The following DCHS2 variants were observed in gnomAD, a reference collection of about 807,000 sequenced individuals.
DCHS2 encodes dachsous cadherin-related 2.
In DCHS2, 142 loss-of-function variants were observed where a neutral mutation model predicts 182.4. The ratio of observed to expected loss-of-function variants is 0.78; its 90% CI spans 0.68 to 0.89. The LOEUF is 0.89. Ranked by LOEUF, DCHS2 falls within the 40% of genes least tolerant of loss-of-function variation. The pLI is 0.00. For synonymous variants in DCHS2, 1,740 were observed against 1,663.3 expected, an observed-to-expected ratio of 1.05 and a Z score of -1.12; for missense variants, 4,319 against 4,198.6, an observed-to-expected ratio of 1.03 and a Z score of -0.79.
At chr4:154,477,855 G>A (rs1560781566) in intron 1 of DCHS2, among the ~76,000 whole-genome samples, 2 of 152,170 alleles carry the variant, frequency 1.3e-5, no homozygotes, top group East Asian at 1.9e-4. Context: ...AAGGACTGAC[G>A]TTCCTCAAAT....
rs890702364 is a variant in DCHS2 at position 154,236,362 on chromosome 4, C to T, written c.8290G>A (p.Asp2764Asn). Residue 2764 changes from aspartate (D) to asparagine (N), a missense_variant, in exon 20 of 20, where the codon GAC (aspartate) becomes AAC (asparagine). Coordinates refer to ENST00000357232, the MANE Select transcript of DCHS2 (RefSeq NM_001358235.2). ...VVFVSVLDDN[D>N]HAPQFMFSSF... ...GAGAACATAAACTGAGGTGCATGGT[C>T]GTTATCATCCAGGACACTGACAAAC... 3.7e-6 allele frequency: 6 copies of T among 1,613,862 alleles called. No homozygotes were observed. The highest frequency in any genetic ancestry group is 5.1e-6 in the Non-Finnish European group (6 of 1,179,968).
intron 1 of DCHS2, among the ~76,000 whole-genome samples, chr4:154,480,124 A>G (rs1735864517): frequency 6.6e-6 from 1 of 152,232 alleles, no homozygotes; most frequent in South Asian, 2.1e-4. Flanking sequence ...GGACCAGACA[A>G]GTCAATCTCT....
chr4:154,372,773 T>C (rs771605622), intron 2 of DCHS2, among the ~76,000 whole-genome samples: 1 of 152,184 alleles, frequency 6.6e-6, no homozygotes. Context: ...ATGAGATAAA[T>C]AGCAGCAGCA....
chr4:154,456,767 G>A (rs1163315134), intron 1 of DCHS2, among the ~76,000 whole-genome samples: 1 of 152,156 alleles, frequency 6.6e-6, no homozygotes, highest in Non-Finnish European at 1.5e-5. Context: ...AGGGCATGAG[G>A]TTAGTAGATG....
chr4:154,306,392 A>G (rs137955895), intron 10 of DCHS2, among the ~76,000 whole-genome samples: 22 of 152,228 alleles, frequency 1.4e-4, no homozygotes, highest in Non-Finnish European at 3.2e-4. Context: ...AAAGAGTCAT[A>G]GTGATTATTT....
intron 13 of DCHS2, among the ~76,000 whole-genome samples, chr4:154,288,388 C>A (rs1000835582): frequency 6.6e-6 from 1 of 152,074 alleles, no homozygotes; most frequent in East Asian, 1.9e-4. Context: ...AATATATATG[C>A]ACCCACCACT....
chr4:154,299,639 G>T (rs1447023704), intron 12 of DCHS2, among the ~76,000 whole-genome samples: 2 of 152,124 alleles, frequency 1.3e-5, no homozygotes, highest in Admixed American at 6.6e-5. Flanking sequence ...TTGTATTCAT[G>T]AGGAACAGTT....
At chr4:154,444,273 A>T (rs1734165507) in intron 1 of DCHS2, among the ~76,000 whole-genome samples, 1 of 152,138 alleles carries the variant, frequency 6.6e-6, no homozygotes, top group South Asian at 2.1e-4. Flanking sequence ...GTATATATCC[A>T]ACAATGTATG....
rs1029813270 is a variant in DCHS2 at position 154,236,006 on chromosome 4, T to G, written c.8646A>C (p.Gln2882His). The G allele has an allele frequency of 1.2e-6, 2 of 1,614,002 alleles. No homozygotes were observed. The highest frequency in any genetic ancestry group is 1.7e-6 in the Non-Finnish European group (2 of 1,179,954). ...CTGGGAGGGTGAAAAAATACTGATCTTGAGTGAAAATGGGCTCAAATTCAT... is the reference window on the plus strand; with the variant it reads ...CTGGGAGGGTGAAAAAATACTGATCGTGAGTGAAAATGGGCTCAAATTCAT... ...GIDEFEPIFTQDQYFFTLPEK... is the reference protein window; with the variant it reads ...GIDEFEPIFTHDQYFFTLPEK... The change falls in exon 20 of 20, where the codon CAA (glutamine) becomes CAC (histidine). Residue 2882 changes from glutamine (Q) to histidine (H), a missense_variant. Coordinates refer to ENST00000357232, the MANE Select transcript of DCHS2 (RefSeq NM_001358235.2).
At chr4:154,365,114 T>C (rs1410250796) in intron 3 of DCHS2, among the ~76,000 whole-genome samples, 3 of 152,172 alleles carry the variant, frequency 2.0e-5, no homozygotes, top group Non-Finnish European at 4.4e-5. Flanking sequence ...AAAGACAGCT[T>C]GCCCACTGGG....
intron 16 of DCHS2, among the ~76,000 whole-genome samples, chr4:154,255,190 GGCTCTCTA>G (rs1732595851): frequency 6.6e-6 from 1 of 151,922 alleles, no homozygotes; most frequent in South Asian, 2.1e-4. Context: ...ACCTGCAGAG[GGCTCTCTA>G]GTTCATTAGA....
intron 13 of DCHS2, among the ~76,000 whole-genome samples, chr4:154,276,347 C>A (rs1167745210): frequency 6.6e-6 from 1 of 151,938 alleles, no homozygotes; most frequent in African/African-American, 2.4e-5. Flanking sequence ...TTCTTCTTTA[C>A]AAAAATAGAG....
At chr4:154,441,144 AT>A (rs1314460659) in intron 1 of DCHS2, among the ~76,000 whole-genome samples, 6 of 152,320 alleles carry the variant, frequency 3.9e-5, no homozygotes, top group Admixed American at 1.3e-4. Flanking sequence ...CTTTGCTGGA[AT>A]CATGTACTAA....
At chr4:154,353,984 T>C (rs1446799904) in intron 3 of DCHS2, among the ~76,000 whole-genome samples, 1 of 152,188 alleles carries the variant, frequency 6.6e-6, no homozygotes, top group Non-Finnish European at 1.5e-5. Flanking sequence ...TAGAGTGCAG[T>C]GGTGTGATCT....
chr4:154,350,997 A>G (rs559234025), intron 3 of DCHS2, among the ~76,000 whole-genome samples: 5 of 152,346 alleles, frequency 3.3e-5, no homozygotes, highest in African/African-American at 1.2e-4. Context: ...CCCATTGGCC[A>G]TGCCTTCAAG....
chr4:154,322,648 CT>C, intron 7 of DCHS2, 160 bp from the exon 8 acceptor site: 1 of 1,052,942 alleles, frequency 9.5e-7, no homozygotes, highest in Non-Finnish European at 1.3e-6. Context: ...AGAAACATCA[CT>C]TTTTAAAAAT....
chr4:154,240,455 T>C, intron 18 of DCHS2, 82 bp downstream of exon 18: 2 of 1,491,618 alleles, frequency 1.3e-6, no homozygotes, highest in Non-Finnish European at 1.8e-6. Context: ...TCTGAATTAG[T>C]CTATCGGCGA....
intron 2 of DCHS2, 77 bp downstream of exon 2, chr4:154,377,176 C>T: frequency 7.3e-7 from 1 of 1,378,930 alleles, no homozygotes; most frequent in Non-Finnish European, 9.9e-7. Context: ...TGTTGATCAT[C>T]ATTGGTCCTC....
chr4:154,404,065 T>C (rs1732302046), intron 1 of DCHS2, among the ~76,000 whole-genome samples: 1 of 152,118 alleles, frequency 6.6e-6, no homozygotes, highest in Non-Finnish European at 1.5e-5. Flanking sequence ...ATTTGTGTTC[T>C]ACTTCATAGG....
Sources: allele counts gnomAD v4.1 joint callset (sites outside exome capture counted in the v4.1 genomes callset), GRCh38; gene constraint gnomAD v4.1.1; transcripts MANE v1.5; gene names NCBI Gene and HGNC (gene_info 2026-07-23, HGNC 2026-07-21).